The following SRBD1 variants were observed in gnomAD, a reference collection of about 807,000 sequenced individuals.
SRBD1 encodes the protein S1 RNA-binding domain-containing protein 1.
Under a neutral mutation model 115.3 loss-of-function variants are expected in SRBD1, and 88 were observed. The observed-to-expected ratio is 0.76, with a 90% CI of 0.64 to 0.91. SRBD1 has a LOEUF of 0.91. Among genes scored for constraint, SRBD1 ranks in the 40% least tolerant of loss-of-function variants. The pLI is 0.00. For synonymous variants in SRBD1, 509 were observed against 407.7 expected (o/e 1.25, Z -2.99); for missense variants, 1,385 against 1,177.4 (o/e 1.18, Z -2.58).
At chr2:45,480,568 A>T (rs1669931158) in intron 15 of SRBD1, among the ~76,000 whole-genome samples, 1 of 152,216 alleles carries the variant, frequency 6.6e-6, no homozygotes, top group East Asian at 1.9e-4. Flanking sequence ...CTCATGATCA[A>T]ACTTGACATA....
intron 2 of SRBD1, among the ~76,000 whole-genome samples, chr2:45,603,606 T>G (rs555141781): frequency 2.1e-4 from 32 of 152,300 alleles, no homozygotes; most frequent in Non-Finnish European, 1.5e-4. Context: ...CTCGGTTCAC[T>G]GCAACCTCCA....
chr2:45,428,861 G>T (rs1399553461), intron 16 of SRBD1, among the ~76,000 whole-genome samples: 2 of 152,050 alleles, frequency 1.3e-5, no homozygotes, highest in African/African-American at 4.8e-5. Context: ...CTCTCCAAAA[G>T]AATCCAGGAG....
intron 16 of SRBD1, among the ~76,000 whole-genome samples, chr2:45,453,608 A>C (rs1453360051): frequency 2.6e-5 from 4 of 151,890 alleles, no homozygotes; most frequent in African/African-American, 9.7e-5. Flanking sequence ...TTTGGTAAAT[A>C]TTAAAACTCA....
At chr2:45,529,568 A>G (rs1182671114) in intron 14 of SRBD1, among the ~76,000 whole-genome samples, 4 of 151,926 alleles carry the variant, frequency 2.6e-5, no homozygotes, top group African/African-American at 4.8e-5. Flanking sequence ...TAGAAAAAAA[A>G]TCTGATTTCA....
intron 14 of SRBD1, among the ~76,000 whole-genome samples, chr2:45,499,563 T>G (rs936747290): frequency 6.6e-6 from 1 of 152,174 alleles, no homozygotes; most frequent in East Asian, 1.9e-4. Flanking sequence ...CCCAAAAATC[T>G]TTGCCCAGAC....
intron 14 of SRBD1, among the ~76,000 whole-genome samples, chr2:45,499,495 T>C (rs1369181781): frequency 1.3e-5 from 2 of 152,204 alleles, no homozygotes; most frequent in African/African-American, 4.8e-5. Context: ...AGAAGCTTTT[T>C]AGCTTGATGT....
chr2:45,463,700 A>G (rs566320935), intron 16 of SRBD1, among the ~76,000 whole-genome samples: 27 of 152,344 alleles, frequency 1.8e-4, no homozygotes, highest in Admixed American at 1.6e-3. Flanking sequence ...TTATCCACAT[A>G]TAATTATATC....
At chr2:45,571,531 A>AAAAAAAAAAAAAAC (rs1558486268) in intron 9 of SRBD1, among the ~76,000 whole-genome samples, 1 of 149,462 alleles carries the variant, frequency 6.7e-6, no homozygotes, top group African/African-American at 2.4e-5. Flanking sequence ...AAAAAAAAAA[A>AAAAAAAAAAAAAAC]AAAAAAAAAA....
At chr2:45,452,474 C>T (rs1426205608) in intron 16 of SRBD1, among the ~76,000 whole-genome samples, 1 of 151,940 alleles carries the variant, frequency 6.6e-6, no homozygotes, top group African/African-American at 2.4e-5. Flanking sequence ...TCTCAGTACA[C>T]GTCTTTAACC....
At chr2:45,477,179 T>C (rs1419766975) in intron 15 of SRBD1, 104 bp from the exon 16 acceptor site, 5 of 838,200 alleles carry the variant, frequency 6.0e-6, no homozygotes, top group Non-Finnish European at 1.9e-6. Flanking sequence ...ATCCTGTCCC[T>C]CCTCATCATC....
At position 45,392,797 on chromosome 2, in the gene SRBD1, AG is replaced by A. The variant is rs1572585118; in HGVS notation, c.2698+147del. 29 of 834,920 alleles carry A rather than the reference AG, an allele frequency of 3.5e-5. No homozygotes were observed. In the East Asian group the frequency reaches 7.9e-4, roughly 23 times the overall value. 51.7% of individuals were successfully genotyped at this position (834,920 alleles called of 1,614,324 possible). ...TGGATATTAATTATAATGACTTTGA[AG>A]GAAGATCACCATGCTTTATTTTTCT... On this transcript the variant is annotated intron_variant, in intron 20 of 20. Coordinates refer to ENST00000263736, the MANE Select transcript of SRBD1 (RefSeq NM_018079.5).
At chr2:45,520,178 G>A (rs937382612) in intron 14 of SRBD1, among the ~76,000 whole-genome samples, 1 of 152,210 alleles carries the variant, frequency 6.6e-6, no homozygotes. Context: ...CTGTCAGCAT[G>A]AGCAGCACAA....
At chr2:45,390,144 T>A (rs1666957713) in intron 20 of SRBD1, among the ~76,000 whole-genome samples, 1 of 152,186 alleles carries the variant, frequency 6.6e-6, no homozygotes, top group South Asian at 2.1e-4. Context: ...CCCACCTATT[T>A]CATATATATT....
intron 4 of SRBD1, among the ~76,000 whole-genome samples, chr2:45,590,395 C>T (rs1673682448): frequency 6.6e-6 from 1 of 152,182 alleles, no homozygotes; most frequent in Non-Finnish European, 1.5e-5. Flanking sequence ...AAATTAGCCA[C>T]AAGAGTAGAA....
intron 14 of SRBD1, among the ~76,000 whole-genome samples, chr2:45,512,236 G>T (rs1284795391): frequency 2.0e-5 from 3 of 152,176 alleles, no homozygotes; most frequent in African/African-American, 7.2e-5. Flanking sequence ...AAATCTTCAT[G>T]TAATTGACTA....
intron 7 of SRBD1, 111 bp downstream of exon 7, chr2:45,579,764 T>A: frequency 8.1e-7 from 1 of 1,241,648 alleles, no homozygotes. Flanking sequence ...ACATACGCTG[T>A]AATATTCTTT....
chr2:45,457,860 G>A (rs1297574330), intron 16 of SRBD1, among the ~76,000 whole-genome samples: 2 of 151,928 alleles, frequency 1.3e-5, no homozygotes, highest in African/African-American at 2.4e-5. Flanking sequence ...GTAAACTTCA[G>A]ATGAAAAACA....
chr2:45,440,128 T>G (rs1668619854), intron 16 of SRBD1, among the ~76,000 whole-genome samples: 2 of 152,202 alleles, frequency 1.3e-5, no homozygotes, highest in Admixed American at 6.5e-5. Flanking sequence ...GCTTGTTTGG[T>G]TCTCATTCCA....
Position 45,440,331 on chromosome 2 carries a change from TC to T in SRBD1, c.2050-20438del, listed in dbSNP as rs549824751. Among the ~76,000 whole-genome samples, 35 of 152,292 alleles carry T rather than the reference TC, an allele frequency of 2.3e-4. 1 individual carries two copies. The South Asian group carries it at 6.6e-3, about 29-fold the overall frequency. On this transcript the variant is annotated intron_variant, in intron 16 of 20. Coordinates refer to ENST00000263736, the MANE Select transcript of SRBD1 (RefSeq NM_018079.5). ...CTTTCCTCCAGTAGGTGTTCTTATG[TC>T]CCCTAGTGGATACAGGTCGATATGG...
Sources: allele counts gnomAD v4.1 joint callset (sites outside exome capture counted in the v4.1 genomes callset), GRCh38; gene constraint gnomAD v4.1.1; transcripts MANE v1.5; gene names NCBI Gene and HGNC (gene_info 2026-07-23, HGNC 2026-07-21).